Variants in CFAP46 observed in about 807,000 individuals in gnomAD.
CFAP46 encodes the protein cilia- and flagella-associated protein 46.
Under a neutral mutation model 325.7 loss-of-function variants are expected in CFAP46, and 245 were observed. The ratio of observed to expected loss-of-function variants is 0.75; its 90% CI spans 0.68 to 0.84. The LOEUF (loss-of-function observed/expected upper bound fraction) is 0.84, where lower values mean the gene tolerates loss of function less well. Among genes scored for constraint, CFAP46 ranks in the 40% least tolerant of loss-of-function variants. The probability of loss-of-function intolerance (pLI) is 0.00; values close to 1 mark genes in which losing one functional copy is unlikely to be tolerated. For missense variants in CFAP46, 3,346 were observed against 3,543.0 expected (o/e 0.94, Z 1.41); for synonymous variants, 1,523 against 1,495.9 (o/e 1.02, Z -0.42).
At chr10:132,824,002 C>G (rs1243516536) in intron 50 of CFAP46, among the ~76,000 whole-genome samples, 1 of 56,384 alleles carries the variant, frequency 1.8e-5, no homozygotes, top group Non-Finnish European at 2.9e-5. Context: ...CTTGTTTGTG[C>G]TGTGTGTGTG....
chr10:132,913,584 C>T lies in CFAP46; in HGVS notation c.2121-326G>A, dbSNP rs575511471. On this transcript the variant is annotated intron_variant, in intron 17 of 57. Coordinates refer to ENST00000368586, the MANE Select transcript of CFAP46 (RefSeq NM_001200049.3). ...GATCTGAGGTGGAAACGTTTCATCC[C>T]GCGACCAGCCTCCACCCAGCCAGTC... is the stretch of plus-strand genomic sequence containing the variant. Among the ~76,000 whole-genome samples, 5 of 152,178 alleles carry T rather than the reference C, an allele frequency of 3.3e-5. No individual in the cohort carries two copies. In the South Asian group the frequency reaches 6.2e-4, roughly 19 times the overall value.
At chr10:132,880,554 G>A (rs1032458278) in intron 28 of CFAP46, among the ~76,000 whole-genome samples, 6 of 152,254 alleles carry the variant, frequency 3.9e-5, no homozygotes, top group Admixed American at 6.5e-5. Flanking sequence ...CTGTGTGCCC[G>A]AGAACATGCC....
chr10:132,828,740 T>G lies in CFAP46; in HGVS notation c.7117+4618A>C, dbSNP rs116878557. Reference sequence around the variant, plus strand: ...GAGGGTCTTTGGTCTCGGATCCATTTCGAGCTGATTTTCCTGCGTGGCGTG... The same window carrying G: ...GAGGGTCTTTGGTCTCGGATCCATTGCGAGCTGATTTTCCTGCGTGGCGTG... On this transcript the variant is annotated intron_variant, in intron 50 of 57. Coordinates refer to ENST00000368586, the MANE Select transcript of CFAP46 (RefSeq NM_001200049.3). The surrounding 1 kb of genome is among the most constrained non-coding windows in gnomAD (Gnocchi z 4.9). Among the ~76,000 whole-genome samples, 581 of 152,302 alleles carry G rather than the reference T, an allele frequency of 3.8e-3. 7 individuals are homozygous for G. The South Asian group carries it at 0.06, about 16-fold the overall frequency.
chr10:132,829,381 G>C (rs1055898154), intron 50 of CFAP46, among the ~76,000 whole-genome samples: 3 of 152,142 alleles, frequency 2.0e-5, no homozygotes, highest in African/African-American at 7.2e-5. Context: ...AAATGCAATT[G>C]GTTTTTGTAC....
intron 34 of CFAP46, 72 bp downstream of exon 34, chr10:132,867,303 A>C: frequency 6.6e-7 from 1 of 1,509,208 alleles, no homozygotes; most frequent in Non-Finnish European, 8.9e-7. Context: ...GCTCAGCTGC[A>C]GCCCTGCATG....
intron 8 of CFAP46, among the ~76,000 whole-genome samples, chr10:132,931,246 A>C (rs1591098398): frequency 2.6e-5 from 1 of 38,464 alleles, no homozygotes; most frequent in Non-Finnish European, 4.8e-5. Context: ...GGCCTTCCCC[A>C]CACTCCCCAC....
intron 22 of CFAP46, among the ~76,000 whole-genome samples, chr10:132,907,519 T>C (rs1026706247): frequency 2.6e-5 from 4 of 152,236 alleles, no homozygotes; most frequent in Admixed American, 6.5e-5. Flanking sequence ...TTTTCTTTCA[T>C]TGAAATTACC....
Position 132,922,243 on chromosome 10 carries a change from G to A in CFAP46, c.1486-19C>T, listed in dbSNP as rs184352747. 3.7e-4 allele frequency: 576 copies of A among 1,545,386 alleles called. 1 individual carries two copies. Among genetic ancestry groups the A allele is most frequent in the South Asian group, 5.7e-4 (48 of 83,704 alleles). On this transcript the variant is annotated intron_variant, in intron 12 of 57. Coordinates refer to ENST00000368586, the MANE Select transcript of CFAP46 (RefSeq NM_001200049.3). ...TTTTTGCCTGTGAAAAGCAGAGACT[G>A]ATGAGCAAGGGGCCGCTGGACTTTC...
At chr10:132,909,719 G>A (rs1325299326) in intron 20 of CFAP46, among the ~76,000 whole-genome samples, 200 bp downstream of exon 20, 2 of 152,252 alleles carry the variant, frequency 1.3e-5, no homozygotes, top group Non-Finnish European at 2.9e-5. Context: ...CCCCGTGGAC[G>A]GGTGGGCAGA....
In CFAP46 at chr10:132,833,518, G is replaced by T. The variant is rs2134995784; in HGVS notation, c.6957C>A (p.Val2319=). The stretch of plus-strand genomic sequence containing the variant: ...CTATCTTATCGGCAACCTCAGGCTG[G>T]ACTGTGCCTGGGAAACAGCAGTGCA... ...RKTSTGQHST[V]QPEVADKIVL... The change falls in exon 50 of 58, where the codon GTC becomes GTA. Residue 2319 remains valine, a synonymous_variant. Transcript: ENST00000368586. The T allele has an allele frequency of 6.2e-7, 1 of 1,613,666 alleles. No individual in the cohort carries two copies. The highest frequency in any genetic ancestry group is 1.3e-5 in the African/African-American group (1 of 75,038).
At chr10:132,912,424 C>G (rs1266417150) in intron 19 of CFAP46, among the ~76,000 whole-genome samples, 1 of 130,540 alleles carries the variant, frequency 7.7e-6, no homozygotes, top group East Asian at 2.2e-4. Flanking sequence ...ATCTCTCTCT[C>G]TCACCTCCCT....
chr10:132,821,271 G>T (rs1847813390), intron 50 of CFAP46, among the ~76,000 whole-genome samples: 2 of 143,466 alleles, frequency 1.4e-5, no homozygotes, highest in African/African-American at 2.7e-5. Flanking sequence ...GCTGATGTGT[G>T]CTGTGTGAGT....
intron 16 of CFAP46, 25 bp from the exon 17 acceptor site, chr10:132,916,707 G>A (rs539984320): frequency 2.1e-6 from 3 of 1,442,258 alleles, no homozygotes; most frequent in Admixed American, 2.6e-5. Flanking sequence ...TGCGGTGGGA[G>A]GGGTCATGGG....
Position 132,920,056 on chromosome 10 carries a change from C to T in CFAP46, c.1730+3G>A. The stretch of plus-strand genomic sequence containing the variant: ...GTGGCGCTCTGGCCTTTTCCTCACT[C>T]ACCTCTCCTTGTCGTTTTCGTTGCC... On this transcript the variant is annotated splice_donor_region_variant and intron_variant, in intron 14 of 57. Transcript: ENST00000368586. 2 of 1,539,760 alleles carry T rather than the reference C, an allele frequency of 1.3e-6. No homozygotes were observed. The highest frequency in any genetic ancestry group is 8.8e-7 in the Non-Finnish European group (1 of 1,142,360).
In CFAP46 at chr10:132,920,070, G is replaced by A. The variant is rs548004008; in HGVS notation, c.1719C>T (p.Asn573=). 363 of 1,545,524 alleles carry A rather than the reference G, an allele frequency of 2.3e-4. No individual in the cohort carries two copies. In the African/African-American group the frequency reaches 4.1e-3, roughly 18 times the overall value. ...TTTTCCTCACTCACCTCTCCTTGTCGTTTTCGTTGCCCAGGCGCCGCAGGT... is the reference window on the plus strand; with the variant it reads ...TTTTCCTCACTCACCTCTCCTTGTCATTTTCGTTGCCCAGGCGCCGCAGGT... ...AGHLRRLGNE[N]DKERIQIWAE... Residue 573 remains asparagine (N), a synonymous_variant, in exon 14 of 58, where the codon AAC becomes AAT. Transcript: ENST00000368586.
At chr10:132,844,535 G>A (rs1041148119) in intron 44 of CFAP46, among the ~76,000 whole-genome samples, 3 of 152,188 alleles carry the variant, frequency 2.0e-5, no homozygotes, top group Non-Finnish European at 4.4e-5. Flanking sequence ...CTGAGTCTGT[G>A]CCTGGCTGAG....
chr10:132,911,293 T>C (rs527467317), intron 19 of CFAP46, among the ~76,000 whole-genome samples: 1 of 152,346 alleles, frequency 6.6e-6, no homozygotes, highest in East Asian at 1.9e-4. Context: ...CTGGGAGCAC[T>C]AGGGCCCTCT....
rs532134757 is a variant in CFAP46, at chr10:132,937,745, T to C, written c.537-70A>G. ...TTTCTCCTATCTAATAACCAGGTTA[T>C]TAAACCATTACATATTTTGTGTTTC... On this transcript the variant is annotated intron_variant, in intron 5 of 57. Coordinates refer to ENST00000368586, the MANE Select transcript of CFAP46 (RefSeq NM_001200049.3). The C allele has an allele frequency of 8.4e-5, 128 of 1,524,128 alleles. No homozygotes were observed. In the South Asian group the frequency reaches 1.6e-3, roughly 19 times the overall value. The allele number at this position is 1,524,128 out of a possible 1,614,324, so 94.4% of individuals were successfully genotyped here. A position where few individuals can be genotyped will look rare whatever the true frequency, so the allele number is the denominator to read the frequency against.
At chr10:132,851,484 G>C (rs1470960871) in intron 39 of CFAP46, among the ~76,000 whole-genome samples, 179 bp from the exon 40 acceptor site, 1 of 152,166 alleles carries the variant, frequency 6.6e-6, no homozygotes, top group Non-Finnish European at 1.5e-5. Flanking sequence ...CACCACCTTC[G>C]AGATAATGCA....
Sources: allele counts gnomAD v4.1 joint callset (sites outside exome capture counted in the v4.1 genomes callset), GRCh38; gene constraint gnomAD v4.1.1; non-coding constraint Gnocchi (gnomAD v3.1); transcripts MANE v1.5; gene names NCBI Gene and HGNC (gene_info 2026-07-23, HGNC 2026-07-21).